NEK1: variants seen among roughly 807,000 people sequenced by gnomAD.
NEK1 encodes the protein NIMA related kinase 1.
A neutral mutation model predicts 182.1 loss-of-function variants in NEK1; 137 were observed. The observed-to-expected ratio is 0.75, with a 90% CI of 0.65 to 0.87. The LOEUF is 0.87. Ranked by LOEUF, NEK1 falls within the 40% of genes least tolerant of loss-of-function variation. NEK1 has a pLI of 0.00. For synonymous variants in NEK1, 513 were observed against 492.2 expected (o/e 1.04, Z -0.56); for missense variants, 1,391 against 1,494.4 (o/e 0.93, Z 1.14).
At chr4:169,495,443 C>A (rs959293809) in intron 23 of NEK1, among the ~76,000 whole-genome samples, 13 of 151,908 alleles carry the variant, frequency 8.6e-5, no homozygotes, top group Non-Finnish European at 1.3e-4. Flanking sequence ...GGGGTTTCAC[C>A]GTGTTAGCCA....
intron 12 of NEK1, among the ~76,000 whole-genome samples, chr4:169,568,076 C>T (rs756588254): frequency 2.6e-4 from 40 of 152,180 alleles, no homozygotes; most frequent in Non-Finnish European, 4.7e-4. Context: ...TCTATGATAT[C>T]ATTTATCCAG....
chr4:169,591,151 C>G lies in NEK1; in HGVS notation c.313-342G>C, dbSNP rs545009818. Among the ~76,000 whole-genome samples the G allele has an allele frequency of 2.7e-5, 4 of 147,626 alleles. No homozygotes were observed. The East Asian group carries it at 5.8e-4, about 21-fold the overall frequency. On this transcript the variant is annotated intron_variant, in intron 5 of 35. Coordinates refer to ENST00000507142, the MANE Select transcript of NEK1 (RefSeq NM_001199397.3). ...ACATCTTTTTTCTATAACGCCCCCC[C>G]CCCACTTCTTTAGGGATAGGGTCTT... is the stretch of plus-strand genomic sequence containing the variant.
At chr4:169,497,883 T>G (rs1041263728) in intron 23 of NEK1, among the ~76,000 whole-genome samples, 40 of 152,214 alleles carry the variant, frequency 2.6e-4, no homozygotes, top group Non-Finnish European at 4.4e-4. Context: ...TATATTCTGT[T>G]GATTTGGGGT....
At chr4:169,568,663 G>C (rs1305683810) in intron 12 of NEK1, among the ~76,000 whole-genome samples, 1 of 152,088 alleles carries the variant, frequency 6.6e-6, no homozygotes, top group Non-Finnish European at 1.5e-5. Context: ...AGGCCCGCTG[G>C]ACGTGGTGGC....
chr4:169,503,473 T>A (rs1355485271), intron 23 of NEK1, among the ~76,000 whole-genome samples: 4 of 152,148 alleles, frequency 2.6e-5, no homozygotes, highest in Non-Finnish European at 5.9e-5. Context: ...CCTCGAATTA[T>A]ACTACAGAGC....
intron 10 of NEK1, among the ~76,000 whole-genome samples, chr4:169,584,945 G>C (rs1767282158): frequency 6.6e-6 from 1 of 152,172 alleles, no homozygotes; most frequent in African/African-American, 2.4e-5. Flanking sequence ...CAGCACTTTG[G>C]AAGGCCAAGG....
intron 31 of NEK1, among the ~76,000 whole-genome samples, chr4:169,412,631 T>G (rs903981797): frequency 1.3e-5 from 2 of 152,192 alleles, no homozygotes; most frequent in Admixed American, 6.5e-5. Flanking sequence ...GATGAATACA[T>G]TCTATCCACT....
At chr4:169,580,478 GAGCGAAACTTCATCTCAA>G (rs1766440158) in intron 11 of NEK1, among the ~76,000 whole-genome samples, 1 of 103,034 alleles carries the variant, frequency 9.7e-6, no homozygotes, top group Non-Finnish European at 1.7e-5. Context: ...GCCTGGGCAA[GAGCGAAACTTCATCTCAA>G]AAAAAAAAAA....
chr4:169,603,573 A>C (rs192425930), intron 2 of NEK1, among the ~76,000 whole-genome samples: 1 of 152,336 alleles, frequency 6.6e-6, no homozygotes, highest in Admixed American at 6.5e-5. Flanking sequence ...AGTACTTGGC[A>C]CATATGAACA....
chr4:169,443,093 A>ATCTC (rs1247346538), intron 27 of NEK1, among the ~76,000 whole-genome samples: 1 of 147,670 alleles, frequency 6.8e-6, no homozygotes, highest in African/African-American at 2.6e-5. Flanking sequence ...CTATCTATCT[A>ATCTC]TCTATCTATC....
intron 23 of NEK1, among the ~76,000 whole-genome samples, chr4:169,493,977 A>C (rs1750621528): frequency 6.6e-6 from 1 of 152,232 alleles, no homozygotes; most frequent in Non-Finnish European, 1.5e-5. Context: ...ACCATCACCA[A>C]GGCACACAGT....
At chr4:169,570,069 T>C (rs1283787090) in intron 12 of NEK1, among the ~76,000 whole-genome samples, 4 of 121,692 alleles carry the variant, frequency 3.3e-5, no homozygotes, top group African/African-American at 6.4e-5. Flanking sequence ...CCGGCCGCCA[T>C]CCCATCTAGG....
At chr4:169,601,681 T>C (rs1415518268) in intron 4 of NEK1, among the ~76,000 whole-genome samples, 1 of 152,102 alleles carries the variant, frequency 6.6e-6, no homozygotes, top group Non-Finnish European at 1.5e-5. Context: ...TTGCTTCTTT[T>C]AAAGCAATCA....
chr4:169,533,405 T>C (rs1433049211), intron 19 of NEK1, among the ~76,000 whole-genome samples: 10 of 152,174 alleles, frequency 6.6e-5, no homozygotes, highest in Admixed American at 1.3e-4. Flanking sequence ...CTCCCAATCA[T>C]GAACACACTA....
chr4:169,559,487 T>C (rs972228412), intron 16 of NEK1, among the ~76,000 whole-genome samples: 2 of 152,192 alleles, frequency 1.3e-5, no homozygotes, highest in African/African-American at 4.8e-5. Flanking sequence ...TTACTCTTAA[T>C]GAATTATTAC....
chr4:169,441,867 C>G (rs1282171825), intron 27 of NEK1, among the ~76,000 whole-genome samples: 1 of 152,112 alleles, frequency 6.6e-6, no homozygotes, highest in Non-Finnish European at 1.5e-5. Context: ...GGCGATGCCC[C>G]CAATAGTGCT....
At chr4:169,560,088 C>T (rs1485156153) in intron 16 of NEK1, among the ~76,000 whole-genome samples, 1 of 152,204 alleles carries the variant, frequency 6.6e-6, no homozygotes, top group Non-Finnish European at 1.5e-5. Flanking sequence ...TGCTGTATAA[C>T]AAACTATCAC....
chr4:169,563,120 G>A (rs1763172160), intron 12 of NEK1, among the ~76,000 whole-genome samples: 1 of 152,102 alleles, frequency 6.6e-6, no homozygotes, highest in African/African-American at 2.4e-5. Flanking sequence ...AGCACTTTGG[G>A]AGGCCAAGAT....
chr4:169,466,143 A>G (rs1221962070), intron 26 of NEK1, among the ~76,000 whole-genome samples: 1 of 151,974 alleles, frequency 6.6e-6, no homozygotes, highest in Admixed American at 6.6e-5. Flanking sequence ...ATAGAGGTAA[A>G]GAAAACATTA....
Sources: gnomAD v4.1 joint callset for allele counts (sites outside exome capture counted in the v4.1 genomes callset) on GRCh38, gnomAD v4.1.1 for gene constraint, MANE v1.5 for transcripts, NCBI Gene and HGNC (gene_info 2026-07-23, HGNC 2026-07-21) for gene names.